The following VAT1L variants were observed in gnomAD, a reference collection of about 807,000 sequenced individuals.
VAT1L encodes the protein vesicle amine transport 1 like, also known as putative NADPH-dependent quinone oxidoreductase VAT1L.
A neutral mutation model predicts 44.1 loss-of-function variants in VAT1L; 34 were observed. The ratio of observed to expected loss-of-function variants is 0.77; its 90% CI spans 0.59 to 1.03. VAT1L has a LOEUF of 1.03. VAT1L is among the 50% of genes least tolerant of loss of function. The pLI, the probability that VAT1L is intolerant of heterozygous loss-of-function variation, is 0.00. For synonymous variants in VAT1L, 253 were observed against 202.2 expected (o/e 1.25, Z -2.13); for missense variants, 615 against 538.8 (o/e 1.14, Z -1.40).
intron 7 of VAT1L, among the ~76,000 whole-genome samples, chr16:77,915,230 C>G (rs1254003477): frequency 3.3e-5 from 5 of 152,160 alleles, no homozygotes; most frequent in Non-Finnish European, 5.9e-5. Flanking sequence ...TCTCTGGAAA[C>G]AGACTACATA....
chr16:77,891,869 G>C (rs912965532), intron 7 of VAT1L, among the ~76,000 whole-genome samples: 14 of 152,118 alleles, frequency 9.2e-5, no homozygotes, highest in Admixed American at 2.6e-4. Flanking sequence ...TCAGGAGATC[G>C]AGACCACCCT....
At chr16:77,824,947 A>T (rs1246326037) in intron 2 of VAT1L, among the ~76,000 whole-genome samples, 1 of 139,224 alleles carries the variant, frequency 7.2e-6, no homozygotes, top group African/African-American at 2.7e-5. Flanking sequence ...GCTCACTGCA[A>T]CCTCCGCCTC....
intron 3 of VAT1L, among the ~76,000 whole-genome samples, chr16:77,831,636 G>C (rs988549626): frequency 6.6e-6 from 1 of 152,128 alleles, no homozygotes; most frequent in African/African-American, 2.4e-5. Context: ...ACCATAGGAA[G>C]AGACTGAGAA....
At chr16:77,953,003 A>G (rs1277883093) in intron 7 of VAT1L, among the ~76,000 whole-genome samples, 7 of 152,160 alleles carry the variant, frequency 4.6e-5, no homozygotes, top group Non-Finnish European at 1.0e-4. Flanking sequence ...GCAGATATTT[A>G]AAACGAGGTC....
chr16:77,955,635 G>T (rs182844523), intron 7 of VAT1L, among the ~76,000 whole-genome samples: 60 of 151,436 alleles, frequency 4.0e-4, no homozygotes, highest in Admixed American at 7.9e-4. Flanking sequence ...TGAAGTGGGA[G>T]AATCTCTTGA....
Position 77,913,446 on chromosome 16 carries a change from G to T in VAT1L, c.1077+28644G>T, listed in dbSNP as rs532940055. Among the ~76,000 whole-genome samples the T allele has an allele frequency of 5.9e-5, 9 of 151,754 alleles. No homozygotes were observed. The South Asian group carries it at 1.9e-3, about 32-fold the overall frequency. The stretch of plus-strand genomic sequence containing the variant: ...AAACCCACTCTTGTCAAAGTCAACA[G>T]GGACCCCCCTCCCCCAACAAAGTTA... On this transcript the variant is annotated intron_variant, in intron 7 of 8. Coordinates refer to ENST00000302536, the MANE Select transcript of VAT1L (RefSeq NM_020927.3).
chr16:77,836,348 C>G (rs2016638898), intron 3 of VAT1L, among the ~76,000 whole-genome samples: 1 of 151,982 alleles, frequency 6.6e-6, no homozygotes, highest in South Asian at 2.1e-4. Flanking sequence ...GATACCTGGT[C>G]CCCAGGGTCC....
intron 7 of VAT1L, among the ~76,000 whole-genome samples, chr16:77,952,017 A>C (rs2018050351): frequency 6.6e-6 from 1 of 152,158 alleles, no homozygotes; most frequent in Non-Finnish European, 1.5e-5. Context: ...AGGTGAGCTG[A>C]AGCCATCAAG....
intron 7 of VAT1L, among the ~76,000 whole-genome samples, chr16:77,913,543 T>C (rs942958241): frequency 5.9e-5 from 9 of 151,886 alleles, no homozygotes; most frequent in Admixed American, 3.3e-4. Flanking sequence ...TGATGCTTCC[T>C]TCAGTTGGCT....
intron 4 of VAT1L, among the ~76,000 whole-genome samples, chr16:77,871,690 T>C (rs1277112110): frequency 1.3e-5 from 2 of 152,134 alleles, no homozygotes; most frequent in South Asian, 2.1e-4. Flanking sequence ...AGTCAGAGGA[T>C]TGGCATGAGG....
At chr16:77,897,689 G>T (rs2142472985) in intron 7 of VAT1L, among the ~76,000 whole-genome samples, 1 of 152,258 alleles carries the variant, frequency 6.6e-6, no homozygotes, top group African/African-American at 2.4e-5. Context: ...TGGCCAGGCT[G>T]GTCTCGAACT....
At chr16:77,939,135 C>G (rs1241311939) in intron 7 of VAT1L, among the ~76,000 whole-genome samples, 1 of 152,214 alleles carries the variant, frequency 6.6e-6, no homozygotes, top group Non-Finnish European at 1.5e-5. Context: ...AGTAACCTTC[C>G]TCTGCTAGCT....
At chr16:77,804,316 A>G (rs995027448) in intron 1 of VAT1L, among the ~76,000 whole-genome samples, 27 of 152,330 alleles carry the variant, frequency 1.8e-4, no homozygotes, top group Middle Eastern at 6.8e-3. Context: ...AAATAACTCC[A>G]GGTCTCAAAG....
chr16:77,857,120 A>T (rs1279935629), intron 3 of VAT1L, among the ~76,000 whole-genome samples: 1 of 152,246 alleles, frequency 6.6e-6, no homozygotes, highest in Non-Finnish European at 1.5e-5. Context: ...CAGAATTCTT[A>T]CGTTCAAAAG....
intron 7 of VAT1L, among the ~76,000 whole-genome samples, chr16:77,909,413 G>A (rs1462952321): frequency 6.6e-6 from 1 of 152,080 alleles, no homozygotes; most frequent in African/African-American, 2.4e-5. Context: ...TAGGCAGGCA[G>A]ATACCTTGAG....
At chr16:77,951,696 C>T (rs968510834) in intron 7 of VAT1L, among the ~76,000 whole-genome samples, 4 of 152,036 alleles carry the variant, frequency 2.6e-5, no homozygotes, top group African/African-American at 4.8e-5. Context: ...ACTGAGCCAG[C>T]GACATTTGAG....
chr16:77,924,643 G>T (rs1313114190), intron 7 of VAT1L, among the ~76,000 whole-genome samples: 1 of 152,102 alleles, frequency 6.6e-6, no homozygotes, highest in Non-Finnish European at 1.5e-5. Flanking sequence ...TGTATTTTTA[G>T]TAGAGACGGG....
chr16:77,967,989 G>C (rs187658162), intron 7 of VAT1L, among the ~76,000 whole-genome samples: 21 of 152,196 alleles, frequency 1.4e-4, no homozygotes, highest in South Asian at 1.0e-3. Context: ...GTAATCTTTG[G>C]GTAAATTGCT....
At chr16:77,824,536 A>T (rs1414385958) in intron 2 of VAT1L, among the ~76,000 whole-genome samples, 1 of 152,046 alleles carries the variant, frequency 6.6e-6, no homozygotes, top group African/African-American at 2.4e-5. Context: ...CAGGCGGATC[A>T]TGGGGTCAGG....
Sources: gnomAD v4.1 joint callset for allele counts (sites outside exome capture counted in the v4.1 genomes callset) on GRCh38, gnomAD v4.1.1 for gene constraint, MANE v1.5 for transcripts, NCBI Gene and HGNC (gene_info 2026-07-23, HGNC 2026-07-21) for gene names.